Variants in UNC13A observed in about 807,000 individuals in gnomAD.
UNC13A encodes protein unc-13 homolog A.
In UNC13A, 61 loss-of-function variants were observed where a neutral mutation model predicts 219.7. The ratio of observed to expected loss-of-function variants is 0.28; its 90% confidence interval spans 0.23 to 0.34. The LOEUF (loss-of-function observed/expected upper bound fraction) is 0.34. Among genes scored for constraint, UNC13A ranks in the 10% least tolerant of loss-of-function variants. The pLI, the probability that UNC13A is intolerant of heterozygous loss-of-function variation, is 1.00. For missense variants in UNC13A, 1,476 were observed against 2,270.3 expected, an observed-to-expected ratio of 0.65 and a Z score of 7.11; for synonymous variants, 920 against 884.6, an observed-to-expected ratio of 1.04 and a Z score of -0.71.
intron 12 of UNC13A, among the ~76,000 whole-genome samples, chr19:17,650,931 A>C (rs1428880723): frequency 1.7e-5 from 2 of 114,480 alleles, no homozygotes; most frequent in Non-Finnish European, 1.7e-5. Context: ...CACACCCAGC[A>C]AATTTTTTTT....
chr19:17,643,566 G>A (rs1003591910), intron 19 of UNC13A, among the ~76,000 whole-genome samples: 3 of 152,028 alleles, frequency 2.0e-5, no homozygotes, highest in Non-Finnish European at 4.4e-5. Context: ...TGATCCGCCC[G>A]CCTCGGCCTC....
In UNC13A at chr19:17,674,508, T is replaced by C; in HGVS notation, c.152+149A>G. On this transcript the variant is annotated intron_variant, in intron 3 of 43. Transcript: ENST00000519716. The surrounding 1 kb of genome is among the most constrained non-coding windows in gnomAD (Gnocchi z 5.0). ...AAGTGATTGGATTGGGGATGTGTTTTGGAGGTGAAGGTGATAAGGTGGACA... is the reference window on the plus strand; with the variant it reads ...AAGTGATTGGATTGGGGATGTGTTTCGGAGGTGAAGGTGATAAGGTGGACA... 1 of 658,070 alleles carries C rather than the reference T, an allele frequency of 1.5e-6. No homozygotes were observed. Among genetic ancestry groups the C allele is most frequent in the Non-Finnish European group, 2.7e-6 (1 of 374,836 alleles). The allele number at this position is 658,070 out of a possible 1,614,324, so 40.8% of individuals were successfully genotyped here.
At chr19:17,624,676 G>A (rs989929247) in intron 35 of UNC13A, 153 bp downstream of exon 35, 8 of 1,119,924 alleles carry the variant, frequency 7.1e-6, no homozygotes, top group South Asian at 2.0e-5. Context: ...ACCTCTGGTG[G>A]CTTCCATGAC....
chr19:17,683,584 GA>G (rs1360035003), intron 1 of UNC13A, among the ~76,000 whole-genome samples: 121 of 151,092 alleles, frequency 8.0e-4, no homozygotes, highest in African/African-American at 2.8e-3. Flanking sequence ...CTTGAACTTG[GA>G]AGGTGGAGGT....
At chr19:17,682,553 G>T (rs894676903) in intron 1 of UNC13A, among the ~76,000 whole-genome samples, 3 of 152,102 alleles carry the variant, frequency 2.0e-5, no homozygotes, top group African/African-American at 7.2e-5. Context: ...TTAGGGAAAG[G>T]GTTAGGCTGC....
At chr19:17,607,817 C>T (rs949496625) in intron 43 of UNC13A, among the ~76,000 whole-genome samples, 2 of 151,390 alleles carry the variant, frequency 1.3e-5, no homozygotes, top group African/African-American at 2.4e-5. Context: ...GGATCTACCC[C>T]GGATGACCCC....
intron 19 of UNC13A, 97 bp from the exon 20 acceptor site, chr19:17,643,057 GCTGGAGTGCAGTGGCACGATCTCAGCTCA>G (rs1487379229): frequency 2.5e-4 from 235 of 954,426 alleles, no homozygotes; most frequent in Admixed American, 4.9e-4. Context: ...TGTCACCCAG[GCTGGAGTGCAGTGGCACGATCTCAGCTCA>G]CTGCAACCTC....
intron 26 of UNC13A, among the ~76,000 whole-genome samples, chr19:17,634,312 C>T (rs1376562261): frequency 6.6e-6 from 1 of 152,084 alleles, no homozygotes; most frequent in African/African-American, 2.4e-5. Flanking sequence ...ATCCATTTAC[C>T]CATCCATCTG....
intron 26 of UNC13A, among the ~76,000 whole-genome samples, chr19:17,635,783 A>G (rs892826513): frequency 2.0e-5 from 3 of 152,234 alleles, no homozygotes; most frequent in African/African-American, 7.2e-5. Flanking sequence ...ATGCATGCAA[A>G]TGAATACATA....
intron 17 of UNC13A, among the ~76,000 whole-genome samples, chr19:17,647,056 C>T (rs2077034751): frequency 6.6e-6 from 1 of 152,230 alleles, no homozygotes; most frequent in African/African-American, 2.4e-5. Flanking sequence ...AGGGCACCAT[C>T]CAAGACGCAC....
intron 38 of UNC13A, 143 bp downstream of exon 38, chr19:17,620,550 G>C: frequency 2.1e-6 from 1 of 477,220 alleles, no homozygotes; most frequent in Non-Finnish European, 3.9e-6. Flanking sequence ...GAGCAAGCCA[G>C]ACAGACAAAG....
Position 17,626,698 on chromosome 19 carries a change from G to C in UNC13A, c.4008C>G (p.Ala1336=). 1.2e-6 allele frequency: 2 copies of C among 1,602,438 alleles called. No individual in the cohort carries two copies. Among genetic ancestry groups the C allele is most frequent in the Non-Finnish European group, 1.7e-6 (2 of 1,174,804 alleles). The change falls in exon 34 of 44, where the codon GCC becomes GCG. Residue 1336 remains alanine, a synonymous_variant. Coordinates refer to ENST00000519716, the MANE Select transcript of UNC13A (RefSeq NM_001080421.3). ...VKGTGNVPAS[A]CSSVAQDADN... is the part of the protein sequence containing the mutation. ...CCGCGTCCTGGGCCACGCTGCTGCAGGCACTGGCTGGCACATTGCCTGTGC... is the reference window on the plus strand; with the variant it reads ...CCGCGTCCTGGGCCACGCTGCTGCACGCACTGGCTGGCACATTGCCTGTGC...
In UNC13A at chr19:17,627,573, G is replaced by A. The variant is rs1178432956; in HGVS notation, c.3856C>T (p.Leu1286=). 1 of 1,561,744 alleles carries A rather than the reference G, an allele frequency of 6.4e-7. No individual in the cohort carries two copies. The highest frequency in any genetic ancestry group is 8.7e-7 in the Non-Finnish European group (1 of 1,152,020). The change falls in exon 33 of 44, where the codon CTG becomes TTG. Residue 1286 remains leucine, a synonymous_variant. Transcript: ENST00000519716. The surrounding 1 kb of genome is among the most constrained non-coding windows in gnomAD (Gnocchi z 4.7). ...TTGAGTTTCACCTGAAGCTCCTTCAGGATGTCACTGGCTTCAGCATCCAGC... is the reference window on the plus strand; with the variant it reads ...TTGAGTTTCACCTGAAGCTCCTTCAAGATGTCACTGGCTTCAGCATCCAGC... ...KELDAEASDI[L]KELQVKLNNV... is the part of the protein sequence containing the mutation.
intron 25 of UNC13A, among the ~76,000 whole-genome samples, chr19:17,637,435 C>G (rs928188110): frequency 2.0e-4 from 30 of 151,950 alleles, no homozygotes; most frequent in Admixed American, 7.2e-4. Flanking sequence ...GTATCTGGGA[C>G]TACAGGTGCC....
intron 41 of UNC13A, among the ~76,000 whole-genome samples, chr19:17,616,647 G>A (rs1335816073): frequency 1.3e-5 from 2 of 152,090 alleles, no homozygotes; most frequent in African/African-American, 4.8e-5. Context: ...GCAGACAGAC[G>A]GAGAGACAGA....
intron 7 of UNC13A, among the ~76,000 whole-genome samples, chr19:17,665,255 C>T (rs1035453357): frequency 2.0e-5 from 3 of 151,068 alleles, no homozygotes; most frequent in African/African-American, 7.3e-5. Context: ...GAGAAGGAGG[C>T]TAAAGAGTGC....
chr19:17,648,377 G>A, intron 16 of UNC13A, 54 bp downstream of exon 16: 1 of 1,138,386 alleles, frequency 8.8e-7, no homozygotes. Context: ...CGCCATGCAA[G>A]CCCCGGGGCT....
chr19:17,623,289 G>C, intron 36 of UNC13A: 1 of 461,992 alleles, frequency 2.2e-6, no homozygotes, highest in Non-Finnish European at 3.8e-6. Flanking sequence ...TGGGCTTGGG[G>C]TTTGGGAGTG....
At position 17,604,694 on chromosome 19, in the gene UNC13A, G is replaced by A. The variant is rs556594554; in HGVS notation, c.*1360C>T. On this transcript the variant is annotated 3_prime_UTR_variant, in exon 44 of 44. Transcript: ENST00000519716. ...AGTCCACGCTGAACTTTCCCCTAAGGTCCTATGTGCACCAGGTAACTCCAG... is the reference window on the plus strand; with the variant it reads ...AGTCCACGCTGAACTTTCCCCTAAGATCCTATGTGCACCAGGTAACTCCAG... 21 of 152,384 alleles carry A rather than the reference G, an allele frequency of 1.4e-4. No individual in the cohort carries two copies. Among genetic ancestry groups the A allele is most frequent in the African/African-American group, 4.3e-4 (18 of 41,550 alleles). The allele number at this position is 152,384 out of a possible 1,614,324, so 9.4% of individuals were successfully genotyped here.
Sources: allele counts gnomAD v4.1 joint callset (sites outside exome capture counted in the v4.1 genomes callset), GRCh38; gene constraint gnomAD v4.1.1; non-coding constraint Gnocchi (gnomAD v3.1); transcripts MANE v1.5; gene names NCBI Gene and HGNC (gene_info 2026-07-23, HGNC 2026-07-21).